Variants in CALN1 observed in about 807,000 individuals in gnomAD.
CALN1 encodes calcium-binding protein 8.
A neutral mutation model predicts 30.6 loss-of-function variants in CALN1; 17 were observed. The ratio of observed to expected loss-of-function variants is 0.56; its 90% CI spans 0.38 to 0.83. The LOEUF (loss-of-function observed/expected upper bound fraction) is 0.83. Ranked by LOEUF, CALN1 falls within the 40% of genes least tolerant of loss-of-function variation. The probability of loss-of-function intolerance (pLI) is 0.00; values close to 1 mark genes in which losing one functional copy is unlikely to be tolerated. For synonymous variants in CALN1, 156 were observed against 131.4 expected (o/e 1.19, Z -1.28); for missense variants, 291 against 354.9 (o/e 0.82, Z 1.45).
chr7:71,900,866 G>A (rs1026339037), intron 5 of CALN1, among the ~76,000 whole-genome samples: 3 of 152,134 alleles, frequency 2.0e-5, no homozygotes, highest in Admixed American at 1.3e-4. Context: ...TGAGACATCC[G>A]ACATATGTAG....
intron 3 of CALN1, among the ~76,000 whole-genome samples, chr7:72,149,424 G>T (rs144509489): frequency 6.6e-6 from 1 of 151,354 alleles, no homozygotes; most frequent in Non-Finnish European, 1.5e-5. Flanking sequence ...CTGAGATCAC[G>T]CCACTGCACT....
At position 72,053,695 on chromosome 7, in the gene CALN1, G is replaced by A. The variant is rs1032338177; in HGVS notation, c.389-29926C>T. 1.7e-4 allele frequency among the ~76,000 whole-genome samples: 26 copies of A among 151,756 alleles called. 1 individual carries two copies. The highest frequency in any genetic ancestry group is 3.4e-4 in the Non-Finnish European group (23 of 67,986). The stretch of plus-strand genomic sequence containing the variant: ...TGGGGTACAGGTGGTATTTGATTAC[G>A]AGTAAGCTTTTTAGAGATTTGTGAG... On this transcript the variant is annotated intron_variant, in intron 4 of 6. Transcript: ENST00000395275.
chr7:72,282,397 C>A (rs1354488941), intron 2 of CALN1, among the ~76,000 whole-genome samples: 1 of 152,142 alleles, frequency 6.6e-6, no homozygotes, highest in Non-Finnish European at 1.5e-5. Context: ...ATGAATGTGT[C>A]CCCCAGTAAT....
intron 5 of CALN1, among the ~76,000 whole-genome samples, chr7:71,855,862 T>C (rs1340969757): frequency 6.6e-6 from 1 of 152,204 alleles, no homozygotes; most frequent in Non-Finnish European, 1.5e-5. Flanking sequence ...GTAGTGGGCA[T>C]TAAGAGTCCT....
intron 4 of CALN1, among the ~76,000 whole-genome samples, chr7:72,101,330 T>C (rs1229588642): frequency 6.6e-6 from 1 of 152,226 alleles, no homozygotes; most frequent in African/African-American, 2.4e-5. Context: ...TTAAGACTTT[T>C]CTTATTTCAA....
At chr7:72,308,021 A>T (rs1215111273) in intron 2 of CALN1, among the ~76,000 whole-genome samples, 1 of 152,168 alleles carries the variant, frequency 6.6e-6, no homozygotes, top group African/African-American at 2.4e-5. Context: ...GCTACAAGAA[A>T]TCAGAACTTT....
At chr7:72,320,066 A>G (rs925905131) in intron 2 of CALN1, among the ~76,000 whole-genome samples, 1 of 152,154 alleles carries the variant, frequency 6.6e-6, no homozygotes, top group African/African-American at 2.4e-5. Context: ...GGCTGCAGTG[A>G]GCTGAGATCG....
intron 3 of CALN1, among the ~76,000 whole-genome samples, chr7:72,174,954 GCT>G (rs1789240336): frequency 7.6e-6 from 1 of 131,228 alleles, no homozygotes. Context: ...ACGGAGTCTC[GCT>G]CTGTCTTTGG....
At chr7:72,387,957 T>TAA (rs1377753466) in intron 2 of CALN1, among the ~76,000 whole-genome samples, 1 of 152,182 alleles carries the variant, frequency 6.6e-6, no homozygotes, top group East Asian at 1.9e-4. Context: ...AGTTGTGTTC[T>TAA]ATTGCACAGT....
At chr7:72,357,139 T>C (rs977906539) in intron 2 of CALN1, among the ~76,000 whole-genome samples, 11 of 151,952 alleles carry the variant, frequency 7.2e-5, no homozygotes, top group Non-Finnish European at 1.3e-4. Flanking sequence ...CCTTTCCCTA[T>C]GAATGCCAAG....
intron 6 of CALN1, among the ~76,000 whole-genome samples, chr7:71,798,924 G>A (rs904084890): frequency 3.3e-5 from 5 of 151,994 alleles, no homozygotes; most frequent in Non-Finnish European, 7.4e-5. Context: ...ACGCCCAGCT[G>A]AGAGTCTTGA....
intron 5 of CALN1, among the ~76,000 whole-genome samples, chr7:72,001,680 C>G (rs1469491410): frequency 2.0e-5 from 3 of 152,324 alleles, no homozygotes; most frequent in East Asian, 3.9e-4. Context: ...GTTTAATAAA[C>G]TTTCACTCCT....
intron 2 of CALN1, among the ~76,000 whole-genome samples, chr7:72,387,274 A>AGGGAGGGAGGG (rs1562939094): frequency 1.7e-4 from 2 of 11,708 alleles, no homozygotes; most frequent in Non-Finnish European, 3.5e-4. Flanking sequence ...GGAAGGGAGG[A>AGGGAGGGAGGG]AGGGAGGGAG....
intron 2 of CALN1, among the ~76,000 whole-genome samples, chr7:72,353,835 G>T: frequency 6.6e-6 from 1 of 152,058 alleles, no homozygotes. Context: ...CCTTAACAAG[G>T]TCACAGAATA....
chr7:71,813,930 C>CAAA lies in CALN1; in HGVS notation c.502-3441_502-3439dup, dbSNP rs540550294. ...TGGGTGACAGAGCGAGACTCTGTTGCAAAAAAAAAAAAAAAAAAAGATCTT... is the reference window on the plus strand; with the variant it reads ...TGGGTGACAGAGCGAGACTCTGTTGCAAAAAAAAAAAAAAAAAAAAAAGATCTT... On this transcript the variant is annotated intron_variant, in intron 5 of 6. Coordinates refer to ENST00000395275, the MANE Select transcript of CALN1 (RefSeq NM_031468.4). 9.5e-3 allele frequency among the ~76,000 whole-genome samples: 647 copies of CAAA among 68,444 alleles called. 8 individuals are homozygous for CAAA. Among genetic ancestry groups the CAAA allele is most frequent in the Non-Finnish European group, 0.013 (417 of 31,058 alleles). 44.9% of individuals were successfully genotyped at this position (68,444 alleles called of 152,430 possible).
chr7:72,333,444 G>A (rs1052576990), intron 2 of CALN1, among the ~76,000 whole-genome samples: 1 of 152,104 alleles, frequency 6.6e-6, no homozygotes, highest in South Asian at 2.1e-4. Flanking sequence ...TCCTCCTTCC[G>A]AACCACATTT....
At chr7:72,136,443 G>C (rs1217038401) in intron 3 of CALN1, among the ~76,000 whole-genome samples, 1 of 152,154 alleles carries the variant, frequency 6.6e-6, no homozygotes, top group African/African-American at 2.4e-5. Flanking sequence ...ATTAGGTTTT[G>C]GCTTAAGGGA....
intron 2 of CALN1, among the ~76,000 whole-genome samples, chr7:72,344,869 C>T (rs2129558974): frequency 6.8e-6 from 1 of 146,452 alleles, no homozygotes; most frequent in African/African-American, 2.5e-5. Context: ...ATTTATATAA[C>T]ACATAAATAT....
chr7:72,418,267 T>A (rs1405121363), intron 1 of CALN1, among the ~76,000 whole-genome samples: 1 of 152,236 alleles, frequency 6.6e-6, no homozygotes, highest in Non-Finnish European at 1.5e-5. Flanking sequence ...GGCCTCCAGC[T>A]GCATCTATGT....
Sources: gnomAD v4.1 joint callset for allele counts (sites outside exome capture counted in the v4.1 genomes callset) on GRCh38, gnomAD v4.1.1 for gene constraint, MANE v1.5 for transcripts, NCBI Gene and HGNC (gene_info 2026-07-23, HGNC 2026-07-21) for gene names.